DUSP4: variants seen among roughly 807,000 people sequenced by gnomAD.
The protein encoded by DUSP4 is dual specificity phosphatase 4, also known as dual specificity protein phosphatase 4.
In DUSP4, 12 loss-of-function variants were observed where a neutral mutation model predicts 27.2. The ratio of observed to expected loss-of-function variants is 0.44; its 90% CI spans 0.28 to 0.71. The LOEUF is 0.71. Among genes scored for constraint, DUSP4 ranks in the 30% least tolerant of loss-of-function variants. The probability of loss-of-function intolerance (pLI) is 0.14; values close to 1 mark genes in which losing one functional copy is unlikely to be tolerated. For synonymous variants in DUSP4, 257 were observed against 245.2 expected, an observed-to-expected ratio of 1.05 and a Z score of -0.45; for missense variants, 448 against 551.3, an observed-to-expected ratio of 0.81 and a Z score of 1.88.
Position 29,340,388 on chromosome 8 carries a change from C to A in DUSP4, c.434-145G>T, listed in dbSNP as rs530819203. ...ATTGGCCACTAGGTGGCGCTGTGGA[C>A]CTAGAGAATGGCCATGGAGTGGTTT... On this transcript the variant is annotated intron_variant, in intron 1 of 3. Transcript: ENST00000240100. 4.8e-6 allele frequency: 5 copies of A among 1,035,482 alleles called. No individual in the cohort carries two copies. The South Asian group carries it at 8.7e-5, about 18-fold the overall frequency. The allele number at this position is 1,035,482 out of a possible 1,614,324, so 64.1% of individuals were successfully genotyped here. A position where few individuals can be genotyped will look rare whatever the true frequency, so the allele number is the denominator to read the frequency against.
rs769407772 is a variant in DUSP4 at position 29,337,270 on chromosome 8, C to T, written c.941G>A (p.Arg314His). Reference sequence around the variant, plus strand: ...GCTGAAGTTGGGCGAGATGATGCTGCGGCGCTGCTTAACGAACTCGAAGGC... The same window carrying T: ...GCTGAAGTTGGGCGAGATGATGCTGTGGCGCTGCTTAACGAACTCGAAGGC... ...EEAFEFVKQRRSIISPNFSFM... is the reference protein window; with the variant it reads ...EEAFEFVKQRHSIISPNFSFM... Residue 314 changes from arginine (R) to histidine (H), a missense_variant, in exon 4 of 4, where the codon CGC becomes CAC. Around this residue, in one of 3 missense-constraint regions of DUSP4, gnomAD observed 100 missense variants for 139.8 expected, o/e 0.72. Transcript: ENST00000240100. The surrounding 1 kb of genome is among the most constrained non-coding windows in gnomAD (Gnocchi z 6.4). The T allele has an allele frequency of 1.2e-5, 20 of 1,613,538 alleles. No individual in the cohort carries two copies. Among genetic ancestry groups the T allele is most frequent in the Non-Finnish European group, 1.6e-5 (19 of 1,180,008 alleles).
At chr8:29,339,105 C>T (rs11786697) in intron 2 of DUSP4, among the ~76,000 whole-genome samples, 7,327 of 152,246 alleles carry the variant, frequency 0.048, 270 homozygotes, top group Middle Eastern at 0.085. Flanking sequence ...ATCATTTGAG[C>T]CCAGGACTTT....
In DUSP4 at chr8:29,342,995, G is replaced by A. The variant is rs953927710; in HGVS notation, c.434-2752C>T. Among the ~76,000 whole-genome samples the A allele has an allele frequency of 2.6e-5, 4 of 151,988 alleles. 1 individual carries two copies. Among genetic ancestry groups the A allele is most frequent in the Admixed American group, 6.6e-5 (1 of 15,264 alleles). ...ATCCTGGCTAACACGGTGAAACCCC[G>A]TCTCTACTAAAAATACAAAAAAATT... On this transcript the variant is annotated intron_variant, in intron 1 of 3. Coordinates refer to ENST00000240100, the MANE Select transcript of DUSP4 (RefSeq NM_001394.7).
chr8:29,339,388 T>C (rs1817623021), intron 2 of DUSP4, among the ~76,000 whole-genome samples: 1 of 152,116 alleles, frequency 6.6e-6, no homozygotes. Context: ...GGTGACCATC[T>C]ATGTTCATTC....
chr8:29,346,124 A>G (rs886138571), intron 1 of DUSP4: 116 of 968,634 alleles, frequency 1.2e-4, no homozygotes, highest in Non-Finnish European at 1.3e-4. Flanking sequence ...CAGAGCTGTT[A>G]ATTGTGTTCC....
Position 29,336,953 on chromosome 8 carries a change from ACTTT to A in DUSP4, c.*69_*72del. 6.9e-7 allele frequency: 1 copy of A among 1,457,890 alleles called. No homozygotes were observed. The highest frequency in any genetic ancestry group is 9.0e-7 in the Non-Finnish European group (1 of 1,105,526). The allele number at this position is 1,457,890 out of a possible 1,614,324, so 90.3% of individuals were successfully genotyped here. A position where few individuals can be genotyped will look rare whatever the true frequency, so the allele number is the denominator to read the frequency against. ...GCCTGCTCCCAGCTGCTCAGTCCCA[ACTTT>A]CTGCCCGCATGCGGCCCGTCCTACC... is the stretch of plus-strand genomic sequence containing the variant. On this transcript the variant is annotated 3_prime_UTR_variant, in exon 4 of 4. Coordinates refer to ENST00000240100, the MANE Select transcript of DUSP4 (RefSeq NM_001394.7).
intron 1 of DUSP4, among the ~76,000 whole-genome samples, chr8:29,342,963 C>T (rs1280306177): frequency 1.3e-5 from 2 of 152,014 alleles, no homozygotes; most frequent in Admixed American, 6.6e-5. Context: ...GTCAGGAGAT[C>T]GAGACCATCC....
chr8:29,350,577 G>C lies in DUSP4; in HGVS notation c.-299C>G, dbSNP rs1817809196. On this transcript the variant is annotated 5_prime_UTR_variant, in exon 1 of 4. Coordinates refer to ENST00000240100, the MANE Select transcript of DUSP4 (RefSeq NM_001394.7). ...CGAGAGAGGACCGCGGACTCTTTTC[G>C]GCGACGGCCTCCCGTGTATTTTTGC... The C allele has an allele frequency of 5.5e-6, 2 of 362,454 alleles. No homozygotes were observed. The highest frequency in any genetic ancestry group is 4.9e-6 in the Non-Finnish European group (1 of 203,014). 22.5% of individuals were successfully genotyped at this position (362,454 alleles called of 1,614,324 possible).
At chr8:29,346,056 A>C in intron 1 of DUSP4, 1 of 985,174 alleles carries the variant, frequency 1.0e-6, no homozygotes. Flanking sequence ...AACTGAAGAC[A>C]GAGAGAGCAA....
chr8:29,349,545 G>A (rs558908811), intron 1 of DUSP4, among the ~76,000 whole-genome samples: 33 of 152,328 alleles, frequency 2.2e-4, no homozygotes, highest in Admixed American at 1.5e-3. Context: ...GATGGACCGC[G>A]CAGAGGAGTC....
In DUSP4 at chr8:29,334,614, T is replaced by C. The variant is rs1366154820; in HGVS notation, c.*2412A>G. On this transcript the variant is annotated 3_prime_UTR_variant, in exon 4 of 4. Coordinates refer to ENST00000240100, the MANE Select transcript of DUSP4 (RefSeq NM_001394.7). ...TTTTAGCAAACGTGTACTCGTTCTA[T>C]AAAAATGGAATCTGTTCTGCAGGTT... The C allele has an allele frequency of 6.6e-6, 1 of 152,192 alleles. No homozygotes were observed. The highest frequency in any genetic ancestry group is 1.5e-5 in the Non-Finnish European group (1 of 68,050). The allele number at this position is 152,192 out of a possible 1,614,324, so 9.4% of individuals were successfully genotyped here. A position where few individuals can be genotyped will look rare whatever the true frequency, so the allele number is the denominator to read the frequency against.
chr8:29,342,322 G>C (rs755615250), intron 1 of DUSP4, among the ~76,000 whole-genome samples: 6 of 152,156 alleles, frequency 3.9e-5, no homozygotes, highest in Non-Finnish European at 8.8e-5. Context: ...TGAACCTCTC[G>C]GAGCCTCCTC....
Position 29,337,385 on chromosome 8 carries a change from C to A in DUSP4, c.826G>T (p.Val276Leu). 1 of 1,608,512 alleles carries A rather than the reference C, an allele frequency of 6.2e-7. No individual in the cohort carries two copies. Among genetic ancestry groups the A allele is most frequent in the East Asian group, 2.2e-5 (1 of 44,858 alleles). ...ATGCCCGCCTGGCAGTGCACCAGCA[C>A]GCGCCCACGGCAGTCCTTCACGGCA... The part of the protein sequence containing the change: ...IDAVKDCRGR[V>L]LVHCQAGISR... Residue 276 changes from valine to leucine, a missense_variant, in exon 4 of 4, where the codon GTG (valine) becomes TTG (leucine). Val to Leu is a conservative substitution (Grantham distance 32). Around this residue, in one of 3 missense-constraint regions of DUSP4, gnomAD observed 345 missense variants for 394.0 expected, o/e 0.88. Transcript: ENST00000240100. This position sits in a 1 kb window ranked among gnomAD's most constrained non-coding sequence, Gnocchi z 6.4.
Position 29,340,097 on chromosome 8 carries a change from C to T in DUSP4, c.579+1G>A. The T allele has an allele frequency of 6.4e-7, 1 of 1,565,832 alleles. No homozygotes were observed. Among genetic ancestry groups the T allele is most frequent in the Non-Finnish European group, 8.7e-7 (1 of 1,154,956 alleles). ...TTCCAAGCCCTGCCCCCCGAGTCTA[C>T]CTGGTCGTGTAGTGGGGTCCCACAG... On this transcript the variant is annotated splice_donor_variant, in intron 2 of 3. Transcript: ENST00000240100. LOFTEE classifies it high-confidence loss of function.
intron 1 of DUSP4, among the ~76,000 whole-genome samples, chr8:29,340,941 A>G (rs1817648527): frequency 6.6e-6 from 1 of 152,142 alleles, no homozygotes; most frequent in African/African-American, 2.4e-5. Flanking sequence ...ATAAAAAAAG[A>G]AGATGATGAT....
chr8:29,343,387 CCGGAGGACACAGTG>C (rs1452607223), intron 1 of DUSP4, among the ~76,000 whole-genome samples: 3 of 151,932 alleles, frequency 2.0e-5, no homozygotes, highest in Non-Finnish European at 4.4e-5. Flanking sequence ...CTGGTGGAGC[CCGGAGGACACAGTG>C]AAGGTGATGC....
Position 29,340,152 on chromosome 8 carries a change from G to A in DUSP4, c.525C>T (p.Ala175=). ...AAIPPPVPPS[A]TEPLDLGCSS... Reference sequence around the variant, plus strand: ...TGCAGCCCAGGTCCAAGGGCTCTGTGGCACTGGGGGGAACCGGGGGTGGGA... The same window carrying A: ...TGCAGCCCAGGTCCAAGGGCTCTGTAGCACTGGGGGGAACCGGGGGTGGGA... Residue 175 remains alanine, a synonymous_variant, in exon 2 of 4, where the codon GCC becomes GCT. Coordinates refer to ENST00000240100, the MANE Select transcript of DUSP4 (RefSeq NM_001394.7). 6.2e-7 allele frequency: 1 copy of A among 1,608,620 alleles called. No individual in the cohort carries two copies. Among genetic ancestry groups the A allele is most frequent in the Non-Finnish European group, 8.5e-7 (1 of 1,177,516 alleles).
intron 1 of DUSP4, chr8:29,347,998 G>T: frequency 1.0e-6 from 1 of 985,564 alleles, no homozygotes; most frequent in Non-Finnish European, 1.2e-6. Flanking sequence ...TGCACCCCCG[G>T]AAGCCCAAGG....
Position 29,337,215 on chromosome 8 carries a change from G to T in DUSP4, c.996C>A (p.Ser332=). ...CAGCACAGGACGTGGCCAGCACCTGGGACTCGAACTGCAGCAGCTGCCCCA... is the reference window on the plus strand; with the variant it reads ...CAGCACAGGACGTGGCCAGCACCTGTGACTCGAACTGCAGCAGCTGCCCCA... ...SFMGQLLQFE[S]QVLATSCAAE... The change falls in exon 4 of 4, where the codon TCC becomes TCA. Residue 332 remains serine (S), a synonymous_variant. Transcript: ENST00000240100. This position sits in a 1 kb window ranked among gnomAD's most constrained non-coding sequence, Gnocchi z 6.4. 1 of 1,613,744 alleles carries T rather than the reference G, an allele frequency of 6.2e-7. No homozygotes were observed. Among genetic ancestry groups the T allele is most frequent in the Non-Finnish European group, 8.5e-7 (1 of 1,179,962 alleles).
Sources: gnomAD v4.1 joint callset for allele counts (sites outside exome capture counted in the v4.1 genomes callset) on GRCh38, gnomAD v4.1.1 for gene constraint, gnomAD v4.1.1 regional missense constraint, Gnocchi (gnomAD v3.1) non-coding constraint, MANE v1.5 for transcripts, NCBI Gene and HGNC (gene_info 2026-07-23, HGNC 2026-07-21) for gene names.